Variants in MMP3 observed in about 807,000 individuals in gnomAD.
The protein encoded by MMP3 is stromelysin-1.
Under a neutral mutation model 47.3 loss-of-function variants are expected in MMP3, and 46 were observed. That is an observed-to-expected ratio of 0.97 (90% CI 0.77 to 1.24). MMP3 has a LOEUF of 1.24. MMP3 is among the 50% of genes most tolerant of loss of function. MMP3 has a pLI of 0.00. For missense variants in MMP3, 558 were observed against 565.5 expected (o/e 0.99, Z 0.13); for synonymous variants, 216 against 206.5 (o/e 1.05, Z -0.39).
rs1555005551 is a variant in MMP3, at chr11:102,842,209, C to A, written c.570G>T (p.Gly190=). 6.2e-7 allele frequency: 1 copy of A among 1,612,766 alleles called. No homozygotes were observed. The highest frequency in any genetic ancestry group is 1.1e-5 in the South Asian group (1 of 90,756). Residue 190 remains glycine (G), a synonymous_variant, in exon 4 of 10, where the codon GGG becomes GGT. Coordinates refer to ENST00000299855, the MANE Select transcript of MMP3 (RefSeq NM_002422.5). The part of the protein sequence containing the change: ...VLAHAYAPGP[G]INGDAHFDDD... ...CATCAAAGTGGGCATCTCCATTAAT[C>A]CCTGGCCCAGGGGCATAGGCATGGG...
chr11:102,843,362 T>C (rs1159819765), intron 1 of MMP3, 80 bp downstream of exon 1: 3 of 943,652 alleles, frequency 3.2e-6, no homozygotes, highest in Admixed American at 3.9e-5. Context: ...AAGCATTCTA[T>C]GTGGGTTTTA....
chr11:102,843,374 G>T, intron 1 of MMP3, 68 bp downstream of exon 1: 1 of 1,079,966 alleles, frequency 9.3e-7, no homozygotes, highest in Non-Finnish European at 1.4e-6. Context: ...TGGGTTTTAA[G>T]ACACACAGAA....
rs782245479 is a variant in MMP3, at chr11:102,842,630, A to G, written c.350+42T>C. ...GCTATTTTCTCCTATGATATAGTTT[A>G]TAAAATTCCAATCTTATGTGAAAAC... On this transcript the variant is annotated intron_variant, in intron 2 of 9. Coordinates refer to ENST00000299855, the MANE Select transcript of MMP3 (RefSeq NM_002422.5). 2.5e-6 allele frequency: 4 copies of G among 1,613,124 alleles called. No homozygotes were observed. The African/African-American group carries it at 5.3e-5, about 22-fold the overall frequency.
At position 102,837,740 on chromosome 11, in the gene MMP3, CT is replaced by C. The variant is rs1555004809; in HGVS notation, c.1230-340del. On this transcript the variant is annotated intron_variant, in intron 8 of 9. Coordinates refer to ENST00000299855, the MANE Select transcript of MMP3 (RefSeq NM_002422.5). The surrounding 1 kb of genome is among the most constrained non-coding windows in gnomAD (Gnocchi z 4.4). ...TATATAAAGTGAATTGAATCAACAT[CT>C]AAAATGCAATTTTAATTCCCTACCA... is the stretch of plus-strand genomic sequence containing the variant. Among the ~76,000 whole-genome samples, 547 of 152,246 alleles carry C rather than the reference CT, an allele frequency of 3.6e-3. 5 individuals are homozygous for C. Among genetic ancestry groups the C allele is most frequent in the African/African-American group, 0.012 (508 of 41,560 alleles).
At chr11:102,839,386 A>G (rs1412484586) in intron 6 of MMP3, 143 bp from the exon 7 acceptor site, 30 of 941,388 alleles carry the variant, frequency 3.2e-5, no homozygotes, top group South Asian at 2.9e-4. Flanking sequence ...GTATATTGCC[A>G]TTAGAAAATT....
At chr11:102,839,567 G>C (rs1379989153) in intron 6 of MMP3, among the ~76,000 whole-genome samples, 1 of 152,164 alleles carries the variant, frequency 6.6e-6, no homozygotes, top group East Asian at 1.9e-4. Flanking sequence ...TCTTCCAAAA[G>C]CTAGGCCGTG....
In MMP3 at chr11:102,842,925, A is replaced by G. The variant is rs1859036564; in HGVS notation, c.106-9T>C. ...TAGTTTTCTAGATATTTCTAACAGA[A>G]TAAGTATAGTTTTTAGGTCACTCTT... On this transcript the variant is annotated splice_polypyrimidine_tract_variant and intron_variant, in intron 1 of 9. Transcript: ENST00000299855. The G allele has an allele frequency of 1.3e-6, 2 of 1,586,930 alleles. No individual in the cohort carries two copies. The highest frequency in any genetic ancestry group is 4.5e-5 in the East Asian group (2 of 44,574).
At chr11:102,838,181 G>T (rs1438929061) in intron 8 of MMP3, among the ~76,000 whole-genome samples, 2 of 152,100 alleles carry the variant, frequency 1.3e-5, no homozygotes, top group Admixed American at 6.5e-5. Context: ...GCTAAATTGC[G>T]GTCTGGGTTC....
At chr11:102,840,375 TC>T in intron 5 of MMP3, 53 bp downstream of exon 5, 2 of 1,600,932 alleles carry the variant, frequency 1.2e-6, no homozygotes, top group Non-Finnish European at 1.7e-6. Context: ...TGAAAGCTCT[TC>T]TGAAGACCAT....
chr11:102,837,211 T>C lies in MMP3; in HGVS notation c.1333+87A>G. On this transcript the variant is annotated intron_variant, in intron 9 of 9. Coordinates refer to ENST00000299855, the MANE Select transcript of MMP3 (RefSeq NM_002422.5). The surrounding 1 kb of genome is among the most constrained non-coding windows in gnomAD (Gnocchi z 4.4). ...GGAACTGGCCCTAAGAAACACTTGT[T>C]ATTAAAAAGTTTCAATGCTCCTCTT... 1 of 1,015,302 alleles carries C rather than the reference T, an allele frequency of 9.8e-7. No individual in the cohort carries two copies. Among genetic ancestry groups the C allele is most frequent in the Non-Finnish European group, 1.5e-6 (1 of 661,716 alleles). 62.9% of individuals were successfully genotyped at this position (1,015,302 alleles called of 1,614,324 possible).
At position 102,837,354 on chromosome 11, in the gene MMP3, A is replaced by C; in HGVS notation, c.1277T>G (p.Ile426Arg). 6.2e-7 allele frequency: 1 copy of C among 1,613,978 alleles called. No individual in the cohort carries two copies. Among genetic ancestry groups the C allele is most frequent in the Non-Finnish European group, 8.5e-7 (1 of 1,179,976 alleles). ...GTCAATCCCTGGAAAGTCTTCAGCT[A>C]TTTGCTTGGGAAAGCCTGGCTCCAT... ...NSMEPGFPKQ[I>R]AEDFPGIDSK... The change falls in exon 9 of 10, where the codon ATA becomes AGA. Residue 426 changes from isoleucine to arginine, a missense_variant. Ile to Arg is a moderately conservative substitution (Grantham distance 97, BLOSUM62 -3). Transcript: ENST00000299855. This position sits in a 1 kb window ranked among gnomAD's most constrained non-coding sequence, Gnocchi z 4.4.
chr11:102,840,662 G>A, intron 4 of MMP3, 69 bp from the exon 5 acceptor site: 1 of 1,514,080 alleles, frequency 6.6e-7, no homozygotes, highest in Non-Finnish European at 9.0e-7. Flanking sequence ...GGTCTGCTGT[G>A]CATTGTATTG....
In MMP3 at chr11:102,839,200, G is replaced by A. The variant is rs2134398880; in HGVS notation, c.979C>T (p.His327Tyr). The A allele has an allele frequency of 6.2e-7, 1 of 1,614,118 alleles. No individual in the cohort carries two copies. Among genetic ancestry groups the A allele is most frequent in the Non-Finnish European group, 8.5e-7 (1 of 1,179,972 alleles). Reference sequence around the variant, plus strand: ...GATGGCCAAAATGAAGAGATCAAATGCAATTCAGGTTCAAGCTTCCTGAGG... The same window carrying A: ...GATGGCCAAAATGAAGAGATCAAATACAATTCAGGTTCAAGCTTCCTGAGG... ...KSLRKLEPEL[H>Y]LISSFWPSLP... Residue 327 changes from histidine (H) to tyrosine (Y), a missense_variant, in exon 7 of 10, where the codon CAT becomes TAT. His to Tyr is a moderately conservative substitution (Grantham distance 83). Coordinates refer to ENST00000299855, the MANE Select transcript of MMP3 (RefSeq NM_002422.5).
chr11:102,842,146 TA>T lies in MMP3; in HGVS notation c.625+7del. ...TGCCAAAATCATTCTGAGAGATGTGTAACTAACCTGTTGTATCCTTTGTCCA... is the reference window on the plus strand; with the variant it reads ...TGCCAAAATCATTCTGAGAGATGTGTACTAACCTGTTGTATCCTTTGTCCA... On this transcript the variant is annotated splice_region_variant and intron_variant, in intron 4 of 9. Coordinates refer to ENST00000299855, the MANE Select transcript of MMP3 (RefSeq NM_002422.5). 1 of 1,563,080 alleles carries T rather than the reference TA, an allele frequency of 6.4e-7. No homozygotes were observed. The highest frequency in any genetic ancestry group is 1.3e-5 in the South Asian group (1 of 79,154).
intron 6 of MMP3, among the ~76,000 whole-genome samples, chr11:102,839,490 A>G (rs1237732716): frequency 1.3e-5 from 2 of 152,262 alleles, no homozygotes; most frequent in Admixed American, 6.5e-5. Flanking sequence ...CTATCGTGCA[A>G]ATGAATTAGC....
chr11:102,842,412 T>TTTTTTTTTTTTTTTTTTCTTTTTTTTG lies in MMP3; in HGVS notation c.499+18_499+19insCAAAAAAAAGAAAAAAAAAAAAAAAAA. ...TGTTTTGTTTTGTTTTGCTTTTTTT[T>TTTTTTTTTTTTTTTTTTCTTTTTTTTG]TTTTTTTTTTTTTTTTACCTCTAAC... On this transcript the variant is annotated intron_variant, in intron 3 of 9. Transcript: ENST00000299855. The TTTTTTTTTTTTTTTTTTCTTTTTTTTG allele has an allele frequency of 7.0e-7, 1 of 1,421,452 alleles. No homozygotes were observed. The highest frequency in any genetic ancestry group is 9.2e-7 in the Non-Finnish European group (1 of 1,087,890). The allele number at this position is 1,421,452 out of a possible 1,614,324, so 88.1% of individuals were successfully genotyped here.
In MMP3 at chr11:102,837,984, G is replaced by A. The variant is rs1555004844; in HGVS notation, c.1229+567C>T. Among the ~76,000 whole-genome samples the A allele has an allele frequency of 6.6e-6, 1 of 152,124 alleles. No individual in the cohort carries two copies. The highest frequency in any genetic ancestry group is 1.9e-4 in the East Asian group (1 of 5,196). On this transcript the variant is annotated intron_variant, in intron 8 of 9. Transcript: ENST00000299855. This position sits in a 1 kb window ranked among gnomAD's most constrained non-coding sequence, Gnocchi z 4.4. ...AGTGTTGGGTTGTATCCATAAACTG[G>A]ACTGCTATTGATCATCATCTCTTAA...
chr11:102,842,406 T>TTTTTTTTTTTTTTTC, intron 3 of MMP3, 25 bp downstream of exon 3: 1 of 447,998 alleles, frequency 2.2e-6, no homozygotes, highest in Non-Finnish European at 3.3e-6. Flanking sequence ...TTGTTTTGCT[T>TTTTTTTTTTTTTTTC]TTTTTTTTTT....
In MMP3 at chr11:102,837,523, A is replaced by C. The variant is rs1041389435; in HGVS notation, c.1230-122T>G. On this transcript the variant is annotated intron_variant, in intron 8 of 9. Coordinates refer to ENST00000299855, the MANE Select transcript of MMP3 (RefSeq NM_002422.5). This position sits in a 1 kb window ranked among gnomAD's most constrained non-coding sequence, Gnocchi z 4.4. ...TTATAAATACTGCAAATAAATGCCA[A>C]GCATATTTGGGACTATAGAAATATG... 1.1e-5 allele frequency: 8 copies of C among 702,534 alleles called. No homozygotes were observed. In the South Asian group the frequency reaches 1.5e-4, roughly 13 times the overall value. The allele number at this position is 702,534 out of a possible 1,614,324, so 43.5% of individuals were successfully genotyped here. A position where few individuals can be genotyped will look rare whatever the true frequency, so the allele number is the denominator to read the frequency against.
Sources: allele counts gnomAD v4.1 joint callset (sites outside exome capture counted in the v4.1 genomes callset), GRCh38; gene constraint gnomAD v4.1.1; non-coding constraint Gnocchi (gnomAD v3.1); transcripts MANE v1.5; gene names NCBI Gene and HGNC (gene_info 2026-07-23, HGNC 2026-07-21).